The following WWOX variants were observed in gnomAD, a reference collection of about 807,000 sequenced individuals.
WWOX encodes WW domain-containing oxidoreductase.
In WWOX, 69 loss-of-function variants were observed where a neutral mutation model predicts 46.2. That is an observed-to-expected ratio of 1.49 (90% CI 1.23 to 1.82). The LOEUF (loss-of-function observed/expected upper bound fraction) is 1.82, where lower values mean the gene tolerates loss of function less well. Ranked by LOEUF, WWOX falls within the 40% of genes most tolerant of loss-of-function variation. The probability of loss-of-function intolerance (pLI) is 0.00; values close to 1 mark genes in which losing one functional copy is unlikely to be tolerated. For missense variants in WWOX, 919 were observed against 542.6 expected (o/e 1.69, Z -6.89); for synonymous variants, 359 against 202.6 (o/e 1.77, Z -6.56).
chr16:78,571,965 A>G (rs1356021321), intron 8 of WWOX, among the ~76,000 whole-genome samples: 2 of 152,356 alleles, frequency 1.3e-5, no homozygotes, highest in East Asian at 3.9e-4. Flanking sequence ...CACTGGAAGG[A>G]TGTGGAGAAA....
intron 6 of WWOX, among the ~76,000 whole-genome samples, chr16:78,408,255 C>T (rs1225405602): frequency 6.6e-6 from 1 of 152,194 alleles, no homozygotes; most frequent in Non-Finnish European, 1.5e-5. Flanking sequence ...CCTTCCCTAA[C>T]TGGTTTCCTA....
chr16:78,563,468 G>T (rs1039693765), intron 8 of WWOX, among the ~76,000 whole-genome samples: 2 of 148,042 alleles, frequency 1.4e-5, no homozygotes, highest in African/African-American at 5.0e-5. Flanking sequence ...ATGTGTTCAG[G>T]ATACGGGCAC....
intron 8 of WWOX, among the ~76,000 whole-genome samples, chr16:78,859,028 ATATATATATATATATATATATGTAT>A (rs372136556): frequency 2.9e-4 from 5 of 17,030 alleles, no homozygotes; most frequent in Admixed American, 1.3e-3. Flanking sequence ...AAAAAAAAAA[ATATATATATATATATATATATGTAT>A]ATATATATAT....
At chr16:78,275,367 G>T (rs192254292) in intron 5 of WWOX, among the ~76,000 whole-genome samples, 2 of 152,170 alleles carry the variant, frequency 1.3e-5, no homozygotes, top group African/African-American at 4.8e-5. Context: ...GATGGGGCTT[G>T]TGCCCACCGG....
intron 5 of WWOX, among the ~76,000 whole-genome samples, chr16:78,321,453 G>A (rs898944938): frequency 6.7e-6 from 1 of 149,090 alleles, no homozygotes; most frequent in Non-Finnish European, 1.5e-5. Flanking sequence ...TTTAAATAAT[G>A]TTAAGGCTAG....
At chr16:78,554,244 A>G (rs16948074) in intron 8 of WWOX, among the ~76,000 whole-genome samples, 3,361 of 152,276 alleles carry the variant, frequency 0.022, 142 homozygotes, top group African/African-American at 0.077. Flanking sequence ...GAAAGGGAAG[A>G]GAAGAACTGT....
At chr16:79,141,879 C>T (rs1330541283) in intron 8 of WWOX, among the ~76,000 whole-genome samples, 2 of 151,638 alleles carry the variant, frequency 1.3e-5, no homozygotes, top group South Asian at 2.1e-4. Flanking sequence ...GTGATTAGCC[C>T]GTCTAACAGG....
At chr16:79,111,881 G>T (rs1053431078) in intron 8 of WWOX, among the ~76,000 whole-genome samples, 1 of 152,134 alleles carries the variant, frequency 6.6e-6, no homozygotes, top group Non-Finnish European at 1.5e-5. Flanking sequence ...CTGAATTCCA[G>T]TCCTCAAGCT....
intron 8 of WWOX, among the ~76,000 whole-genome samples, chr16:78,533,182 A>G (rs1567626808): frequency 6.6e-6 from 1 of 152,276 alleles, no homozygotes; most frequent in East Asian, 1.9e-4. Flanking sequence ...CTATCTTTAC[A>G]GGTCAGCCAG....
At chr16:78,931,248 A>T (rs1031062161) in intron 8 of WWOX, among the ~76,000 whole-genome samples, 7 of 152,092 alleles carry the variant, frequency 4.6e-5, no homozygotes, top group Non-Finnish European at 8.8e-5. Context: ...GTGGGGAGGG[A>T]TAATGGGAAC....
chr16:78,505,838 G>GAA, intron 8 of WWOX, among the ~76,000 whole-genome samples: 1 of 151,628 alleles, frequency 6.6e-6, no homozygotes, highest in Non-Finnish European at 1.5e-5. Flanking sequence ...ATTCTGTAGA[G>GAA]AGAGTGGGTG....
At chr16:78,998,255 T>C (rs1490295640) in intron 8 of WWOX, among the ~76,000 whole-genome samples, 1 of 152,104 alleles carries the variant, frequency 6.6e-6, no homozygotes, top group African/African-American at 2.4e-5. Flanking sequence ...ACCCAGGACA[T>C]GTTGGACTGC....
intron 8 of WWOX, among the ~76,000 whole-genome samples, chr16:78,686,081 A>G (rs891448813): frequency 2.0e-5 from 3 of 152,200 alleles, no homozygotes; most frequent in African/African-American, 7.2e-5. Flanking sequence ...TTTGGGATCT[A>G]TAGATTGGGG....
intron 8 of WWOX, among the ~76,000 whole-genome samples, chr16:78,817,266 T>C (rs61686333): frequency 0.017 from 2,387 of 143,942 alleles, 63 homozygotes; most frequent in East Asian, 0.059. Context: ...TTTCAAAGTA[T>C]TGCTTCTTAA....
intron 8 of WWOX, among the ~76,000 whole-genome samples, chr16:78,817,172 CTTT>C (rs33981779): frequency 7.5e-3 from 388 of 51,550 alleles, no homozygotes; most frequent in African/African-American, 0.027. Context: ...TAGTGCTATT[CTTT>C]TTTTTTTTTT....
chr16:78,665,778 G>A (rs1337391669), intron 8 of WWOX, among the ~76,000 whole-genome samples: 1 of 152,094 alleles, frequency 6.6e-6, no homozygotes, highest in Admixed American at 6.5e-5. Flanking sequence ...TCCACCTCCT[G>A]GGTTCGAGTG....
At chr16:79,073,588 A>G (rs12445885) in intron 8 of WWOX, among the ~76,000 whole-genome samples, 53,792 of 152,112 alleles carry the variant, frequency 0.35, 9,836 homozygotes, top group East Asian at 0.57. Flanking sequence ...TGTTGCAGAC[A>G]CTGCTGAGTG....
At chr16:78,457,196 C>T (rs897280525) in intron 8 of WWOX, among the ~76,000 whole-genome samples, 1 of 152,172 alleles carries the variant, frequency 6.6e-6, no homozygotes, top group Admixed American at 6.5e-5. Context: ...ATAGACCTTT[C>T]AGGAACCTTC....
intron 8 of WWOX, among the ~76,000 whole-genome samples, chr16:79,167,896 C>G (rs747384732): frequency 6.6e-6 from 1 of 152,202 alleles, no homozygotes; most frequent in Non-Finnish European, 1.5e-5. Flanking sequence ...TCATCACTGC[C>G]CCATTCCCTT....
Sources: allele counts gnomAD v4.1 joint callset (sites outside exome capture counted in the v4.1 genomes callset), GRCh38; gene constraint gnomAD v4.1.1; transcripts MANE v1.5; gene names NCBI Gene and HGNC (gene_info 2026-07-23, HGNC 2026-07-21).